STAB1: variants seen among roughly 807,000 people sequenced by gnomAD.
The protein encoded by STAB1 is stabilin-1.
A neutral mutation model predicts 332.4 loss-of-function variants in STAB1; 250 were observed. That is an observed-to-expected ratio of 0.75 (90% CI 0.68 to 0.84). STAB1 has a LOEUF of 0.84. Ranked by LOEUF, STAB1 falls within the 40% of genes least tolerant of loss-of-function variation. The pLI is 0.00. For missense variants in STAB1, 3,249 were observed against 3,489.7 expected (o/e 0.93, Z 1.74); for synonymous variants, 1,475 against 1,390.4 (o/e 1.06, Z -1.35).
chr3:52,521,923 C>T lies in STAB1; in HGVS notation c.6243C>T (p.Gly2081=), dbSNP rs1244044678. ...GCAACAGCTGTGAGTGCAGCCTGGG[C>T]TATGAAGGGGATGGCCGTGTGTGTA... ...RAGNSCECSL[G]YEGDGRVCTV... Residue 2081 remains glycine (G), a synonymous_variant, in exon 58 of 69, where the codon GGC becomes GGT. Coordinates refer to ENST00000321725, the MANE Select transcript of STAB1 (RefSeq NM_015136.3). 1 of 1,609,430 alleles carries T rather than the reference C, an allele frequency of 6.2e-7. No homozygotes were observed. The highest frequency in any genetic ancestry group is 2.2e-5 in the East Asian group (1 of 44,790).
rs778738311 is a variant in STAB1 at position 52,522,266 on chromosome 3, G to A, written c.6465+36G>A. ...GGGGGAACCGAGTAGCCAGGGTGGG[G>A]AGGCCTGGCAGAACTTCCGACCTCT... On this transcript the variant is annotated intron_variant, in intron 59 of 68. Coordinates refer to ENST00000321725, the MANE Select transcript of STAB1 (RefSeq NM_015136.3). The A allele has an allele frequency of 1.2e-5, 20 of 1,611,282 alleles. No homozygotes were observed. In the South Asian group the frequency reaches 2.1e-4, roughly 17 times the overall value.
rs549121548 is a variant in STAB1, at chr3:52,503,241, G to C, written c.695-103G>C. 1.1e-5 allele frequency: 16 copies of C among 1,507,152 alleles called. No homozygotes were observed. In the Admixed American group the frequency reaches 3.0e-4, roughly 28 times the overall value. The allele number at this position is 1,507,152 out of a possible 1,614,324, so 93.4% of individuals were successfully genotyped here. On this transcript the variant is annotated intron_variant, in intron 7 of 68. Coordinates refer to ENST00000321725, the MANE Select transcript of STAB1 (RefSeq NM_015136.3). ...ATTCCTAAGGGGAGCCTATCCTCAA[G>C]GCCTAGGTCAACCTGCTGGCCCCGG...
In STAB1 at chr3:52,506,919, T is replaced by A. The variant is rs925763154; in HGVS notation, c.1989+69T>A. ...GTCAGCGCTGGAGCGGCAATCCTCT[T>A]CCCAGGGAGAGGCGCTAAGTCAGGG... On this transcript the variant is annotated intron_variant, in intron 18 of 68. Coordinates refer to ENST00000321725, the MANE Select transcript of STAB1 (RefSeq NM_015136.3). 6.4e-6 allele frequency: 10 copies of A among 1,574,066 alleles called. No individual in the cohort carries two copies. The African/African-American group carries it at 1.3e-4, about 21-fold the overall frequency.
Position 52,515,063 on chromosome 3 carries a change from G to A in STAB1, c.3864+18G>A, listed in dbSNP as rs201449833. ...AGCTGCAGGTGAGACTGGGCTTAGC[G>A]CAGCTCTGTCCCTGTGTTGCCTGCC... On this transcript the variant is annotated intron_variant, in intron 36 of 68. Transcript: ENST00000321725. 17 of 1,612,748 alleles carry A rather than the reference G, an allele frequency of 1.1e-5. No homozygotes were observed. In the East Asian group the frequency reaches 1.3e-4, roughly 13 times the overall value.
chr3:52,522,492 C>T lies in STAB1; in HGVS notation c.6610+18C>T, dbSNP rs1360773114. On this transcript the variant is annotated intron_variant, in intron 60 of 68. Coordinates refer to ENST00000321725, the MANE Select transcript of STAB1 (RefSeq NM_015136.3). Reference sequence around the variant, plus strand: ...CTTCCAGGGTGTGTCCCCCTGCCCACTCCCAGTACCCATTTCATTCCTCAG... The same window carrying T: ...CTTCCAGGGTGTGTCCCCCTGCCCATTCCCAGTACCCATTTCATTCCTCAG... 1.2e-6 allele frequency: 2 copies of T among 1,613,118 alleles called. No individual in the cohort carries two copies. The highest frequency in any genetic ancestry group is 1.7e-5 in the Admixed American group (1 of 60,032).
rs149734247 is a variant in STAB1, at chr3:52,505,749, C to T, written c.1663C>T (p.Arg555Cys). 1.2e-4 allele frequency: 194 copies of T among 1,613,730 alleles called. No homozygotes were observed. Among genetic ancestry groups the T allele is most frequent in the Middle Eastern group, 3.3e-4 (2 of 6,084 alleles). Residue 555 changes from arginine to cysteine, a missense_variant, in exon 15 of 69, where the codon CGT becomes TGT. Physicochemically the swap from Arg to Cys is radical, Grantham distance 180 (BLOSUM62 -3). Transcript: ENST00000321725. The stretch of plus-strand genomic sequence containing the variant: ...AAGCAATGAGGCTGTGGACAGCTTG[C>T]GTGACGGCCGCCTGATCTACCTCTT... The part of the protein sequence containing the change: ...APSNEAVDSL[R>C]DGRLIYLFTA...
chr3:52,517,030 C>A lies in STAB1; in HGVS notation c.4410C>A (p.Ala1470=), dbSNP rs375249567. 4.4e-6 allele frequency: 7 copies of A among 1,607,436 alleles called. No individual in the cohort carries two copies. The East Asian group carries it at 1.6e-4, about 36-fold the overall frequency. The stretch of plus-strand genomic sequence containing the variant: ...GCCATGGGGGCTGCTCCCCTCATGC[C>A]AACTGTACCAAGGTGGCACCTGGGC... ...AHGHGGCSPH[A]NCTKVAPGQR... is the part of the protein sequence containing the mutation. The change falls in exon 42 of 69, where the codon GCC becomes GCA. Residue 1470 remains alanine (A), a synonymous_variant. Coordinates refer to ENST00000321725, the MANE Select transcript of STAB1 (RefSeq NM_015136.3).
chr3:52,508,667 C>A, intron 21 of STAB1: 1 of 360,642 alleles, frequency 2.8e-6, no homozygotes, highest in East Asian at 7.2e-5. Context: ...ACTAAAAATA[C>A]AAAAATTAGC....
intron 32 of STAB1, 42 bp from the exon 33 acceptor site, chr3:52,514,073 G>T: frequency 6.2e-7 from 1 of 1,608,236 alleles, no homozygotes; most frequent in South Asian, 1.1e-5. Context: ...TGTCAGGACT[G>T]ACAACTAATA....
At chr3:52,509,387 G>A (rs775214469) in intron 22 of STAB1, 66 bp downstream of exon 22, 16 of 1,430,514 alleles carry the variant, frequency 1.1e-5, no homozygotes, top group Non-Finnish European at 1.5e-5. Flanking sequence ...TGGGTCTGGG[G>A]GCTCTCAAGA....
In STAB1 at chr3:52,495,434, C is replaced by G; in HGVS notation, c.21C>G (p.Leu7=). 1 of 1,342,808 alleles carries G rather than the reference C, an allele frequency of 7.4e-7. No homozygotes were observed. Among genetic ancestry groups the G allele is most frequent in the Non-Finnish European group, 9.6e-7 (1 of 1,040,356 alleles). 83.2% of individuals were successfully genotyped at this position (1,342,808 alleles called of 1,614,324 possible). A position where few individuals can be genotyped will look rare whatever the true frequency, so the allele number is the denominator to read the frequency against. Residue 7 remains leucine, a synonymous_variant, in exon 1 of 69, where the codon CTC becomes CTG. Transcript: ENST00000321725. The part of the protein sequence containing the change: MAGPRG[L]LPLCLLAFCL... ...CAGCCATGGCGGGGCCCCGGGGCCTCCTCCCACTCTGCCTCCTGGCCTTCT... is the reference window on the plus strand; with the variant it reads ...CAGCCATGGCGGGGCCCCGGGGCCTGCTCCCACTCTGCCTCCTGGCCTTCT...
intron 22 of STAB1, 95 bp from the exon 23 acceptor site, chr3:52,509,775 C>A: frequency 1.5e-6 from 2 of 1,369,568 alleles, no homozygotes; most frequent in Non-Finnish European, 2.1e-6. Context: ...TCTGTACTGG[C>A]TGCCCCACTC....
Position 52,519,367 on chromosome 3 carries a change from C to T in STAB1, c.5138C>T (p.Ala1713Val), listed in dbSNP as rs376841854. Residue 1713 changes from alanine (A) to valine (V), a missense_variant, in exon 49 of 69, where the codon GCG (alanine) becomes GTG (valine). Transcript: ENST00000321725. ...GACCGTGTCCTGCTGCCCCCCGAGG[C>T]GCTGCACTGGGAGCCTGATGATGCT... ...FIDRVLLPPE[A>V]LHWEPDDAPI... 54 of 1,612,998 alleles carry T rather than the reference C, an allele frequency of 3.3e-5. No individual in the cohort carries two copies. Among genetic ancestry groups the T allele is most frequent in the Non-Finnish European group, 4.1e-5 (48 of 1,180,006 alleles).
intron 1 of STAB1, among the ~76,000 whole-genome samples, chr3:52,500,954 C>T (rs2153232865): frequency 6.6e-6 from 1 of 152,338 alleles, no homozygotes; most frequent in South Asian, 2.1e-4. Flanking sequence ...CAGGGCCTTC[C>T]CCATCTGCAC....
chr3:52,516,480 G>A (rs1390823249), intron 39 of STAB1, 29 bp downstream of exon 39: 1 of 1,613,414 alleles, frequency 6.2e-7, no homozygotes, highest in Non-Finnish European at 8.5e-7. Flanking sequence ...GGAGGGGGCA[G>A]GTGGCTACTG....
At chr3:52,500,572 G>A (rs1367285549) in intron 1 of STAB1, among the ~76,000 whole-genome samples, 1 of 152,254 alleles carries the variant, frequency 6.6e-6, no homozygotes, top group Non-Finnish European at 1.5e-5. Context: ...AGAGCAGAGT[G>A]GTGGCTGGAG....
chr3:52,501,737 G>A lies in STAB1; in HGVS notation c.315G>A (p.Trp105Ter), dbSNP rs767273370. Residue 105 changes from tryptophan to a stop codon, truncating the protein, a stop_gained, in exon 3 of 69, where the codon TGG (tryptophan) becomes TGA (stop). Coordinates refer to ENST00000321725, the MANE Select transcript of STAB1 (RefSeq NM_015136.3). LOFTEE classifies it high-confidence loss of function. Reference sequence around the variant, plus strand: ...AGAAGGCCTGCTGCCCTGGCTACTGGGGTTCCCGGTGCCATGGTATGGGAG... The same window carrying A: ...AGAAGGCCTGCTGCCCTGGCTACTGAGGTTCCCGGTGCCATGGTATGGGAG... ...VVQKACCPGYWGSRCHECPGG... is the reference protein window; with the variant it reads ...VVQKACCPGY The A allele has an allele frequency of 4.5e-6, 7 of 1,565,694 alleles. No homozygotes were observed. The highest frequency in any genetic ancestry group is 5.2e-6 in the Non-Finnish European group (6 of 1,156,034).
chr3:52,501,407 T>C, intron 2 of STAB1, 105 bp downstream of exon 2: 1 of 1,518,932 alleles, frequency 6.6e-7, no homozygotes, highest in Non-Finnish European at 8.9e-7. Context: ...CACTCACTTA[T>C]CCATGCCCCT....
At position 52,503,048 on chromosome 3, in the gene STAB1, C is replaced by T. The variant is rs375963401; in HGVS notation, c.633C>T (p.Ser211=). ...ELRCPQNTQC[S]AEAPSCRCLP... Reference sequence around the variant, plus strand: ...GCTGTCCCCAGAACACCCAGTGCTCCGCAGAGGCTCCCAGCTGCAGGTGCC... The same window carrying T: ...GCTGTCCCCAGAACACCCAGTGCTCTGCAGAGGCTCCCAGCTGCAGGTGCC... The change falls in exon 7 of 69, where the codon TCC becomes TCT. Residue 211 remains serine, a synonymous_variant. Transcript: ENST00000321725. 224 of 1,603,718 alleles carry T rather than the reference C, an allele frequency of 1.4e-4. No individual in the cohort carries two copies. Among genetic ancestry groups the T allele is most frequent in the African/African-American group, 2.7e-4 (20 of 74,954 alleles).
Sources: gnomAD v4.1 joint callset for allele counts (sites outside exome capture counted in the v4.1 genomes callset) on GRCh38, gnomAD v4.1.1 for gene constraint, MANE v1.5 for transcripts, NCBI Gene and HGNC (gene_info 2026-07-23, HGNC 2026-07-21) for gene names.